The following DNAH11 variants were observed in gnomAD, a reference collection of about 807,000 sequenced individuals.
The protein encoded by DNAH11 is dynein axonemal heavy chain 11, also known as axonemal beta dynein heavy chain 11.
A neutral mutation model predicts 526.0 loss-of-function variants in DNAH11; 442 were observed. That is an observed-to-expected ratio of 0.84 (90% confidence interval 0.78 to 0.91). DNAH11 has a LOEUF of 0.91. Ranked by LOEUF, DNAH11 falls within the 40% of genes least tolerant of loss-of-function variation. The pLI is 0.00. For synonymous variants in DNAH11, 2,461 were observed against 1,935.9 expected (o/e 1.27, Z -7.12); for missense variants, 6,989 against 5,448.7 (o/e 1.28, Z -8.90).
chr7:21,652,521 G>C (rs1781825232), intron 28 of DNAH11, among the ~76,000 whole-genome samples: 1 of 151,818 alleles, frequency 6.6e-6, no homozygotes, highest in Non-Finnish European at 1.5e-5. Flanking sequence ...TTAAAATGCA[G>C]TTGACAAAAT....
intron 26 of DNAH11, among the ~76,000 whole-genome samples, chr7:21,636,852 G>T (rs1354940353): frequency 6.6e-6 from 1 of 152,120 alleles, no homozygotes; most frequent in Non-Finnish European, 1.5e-5. Context: ...AAGGTAAACA[G>T]ATTCATCTTC....
chr7:21,862,075 C>G (rs1332661981), intron 69 of DNAH11, 52 bp downstream of exon 69: 17 of 1,496,634 alleles, frequency 1.1e-5, no homozygotes, highest in Admixed American at 2.3e-5. Flanking sequence ...AGGCAGATGC[C>G]TCTGTTTATT....
intron 18 of DNAH11, among the ~76,000 whole-genome samples, chr7:21,605,593 C>G (rs539906174): frequency 7.2e-5 from 11 of 152,318 alleles, no homozygotes; most frequent in African/African-American, 2.6e-4. Flanking sequence ...TAAACCCAAC[C>G]TCAATCCTCA....
At chr7:21,732,890 C>T (rs1204300647) in intron 45 of DNAH11, among the ~76,000 whole-genome samples, 1 of 152,222 alleles carries the variant, frequency 6.6e-6, no homozygotes, top group Non-Finnish European at 1.5e-5. Context: ...AAGCCTGGAG[C>T]TGACTGCCTC....
In DNAH11 at chr7:21,619,176, T is replaced by C. The variant is rs1163461931; in HGVS notation, c.4331T>C (p.Val1444Ala). The change falls in exon 24 of 82, where the codon GTC becomes GCC. Residue 1444 changes from valine to alanine, a missense_variant. Transcript: ENST00000409508. ...CGGTTACACAGAGTGGAAGATGATGTCCGAAGGATTGTGGACAAGGCGGTG... is the reference window on the plus strand; with the variant it reads ...CGGTTACACAGAGTGGAAGATGATGCCCGAAGGATTGTGGACAAGGCGGTG... ...ALRLHRVEDDVRRIVDKAVKE... is the reference protein window; with the variant it reads ...ALRLHRVEDDARRIVDKAVKE... 1.9e-6 allele frequency: 3 copies of C among 1,613,374 alleles called. No homozygotes were observed. Among genetic ancestry groups the C allele is most frequent in the South Asian group, 2.2e-5 (2 of 91,046 alleles).
chr7:21,778,977 G>C lies in DNAH11; in HGVS notation c.9356G>C (p.Arg3119Thr). 1 of 1,613,154 alleles carries C rather than the reference G, an allele frequency of 6.2e-7. No individual in the cohort carries two copies. Among genetic ancestry groups the C allele is most frequent in the East Asian group, 2.2e-5 (1 of 44,812 alleles). ...TASQVGDLKA[R>T]LASQEAELQL... ...CTTTAGGTGGGAGATCTAAAAGCCAGACTTGCCTCTCAAGAAGCCGAGCTG... is the reference window on the plus strand; with the variant it reads ...CTTTAGGTGGGAGATCTAAAAGCCACACTTGCCTCTCAAGAAGCCGAGCTG... Residue 3119 changes from arginine to threonine, a missense_variant, in exon 57 of 82, where the codon AGA becomes ACA. Coordinates refer to ENST00000409508, the MANE Select transcript of DNAH11 (RefSeq NM_001277115.2).
At chr7:21,733,539 G>C (rs184874039) in intron 45 of DNAH11, among the ~76,000 whole-genome samples, 2 of 152,326 alleles carry the variant, frequency 1.3e-5, no homozygotes, top group African/African-American at 4.8e-5. Context: ...CTGAGAACCT[G>C]TTATCAACCA....
At chr7:21,853,951 G>T (rs1039866734) in intron 67 of DNAH11, among the ~76,000 whole-genome samples, 5 of 152,124 alleles carry the variant, frequency 3.3e-5, no homozygotes, top group Admixed American at 6.5e-5. Flanking sequence ...TGACCCAGCA[G>T]ACTTTTAAGA....
Position 21,599,782 on chromosome 7 carries a change from T to G in DNAH11, c.2668-5T>G. On this transcript the variant is annotated splice_polypyrimidine_tract_variant and splice_region_variant and intron_variant, in intron 14 of 81. Transcript: ENST00000409508. ...ATTCATCCACTAATACTTGTCTGTT[T>G]CTAGGAAAATAGGAAGCTCTTCAAA... 2 of 1,528,492 alleles carry G rather than the reference T, an allele frequency of 1.3e-6. No homozygotes were observed. The highest frequency in any genetic ancestry group is 4.2e-5 in the Admixed American group (2 of 47,548). The allele number at this position is 1,528,492 out of a possible 1,614,324, so 94.7% of individuals were successfully genotyped here.
chr7:21,816,711 A>G lies in DNAH11; in HGVS notation c.10568+9A>G. The G allele has an allele frequency of 1.2e-6, 2 of 1,610,198 alleles. No individual in the cohort carries two copies. Among genetic ancestry groups the G allele is most frequent in the African/African-American group, 2.7e-5 (2 of 74,960 alleles). ...CATTTGGGCCAGAAAGGGTATGTGA[A>G]GTTTGAAGAGACTGGCTTTCTGTTT... On this transcript the variant is annotated intron_variant, in intron 64 of 81. Coordinates refer to ENST00000409508, the MANE Select transcript of DNAH11 (RefSeq NM_001277115.2).
chr7:21,730,763 G>T (rs185602570), intron 45 of DNAH11, among the ~76,000 whole-genome samples: 11 of 152,130 alleles, frequency 7.2e-5, no homozygotes, highest in African/African-American at 2.7e-4. Flanking sequence ...GAGATCTATC[G>T]TACATGGTGA....
chr7:21,610,918 T>C (rs1018518567), intron 20 of DNAH11, among the ~76,000 whole-genome samples: 5 of 152,226 alleles, frequency 3.3e-5, no homozygotes, highest in Non-Finnish European at 5.9e-5. Flanking sequence ...GAAGAGAGAA[T>C]GAACAGAATA....
chr7:21,749,095 C>T (rs1204233254), intron 52 of DNAH11, among the ~76,000 whole-genome samples: 3 of 152,058 alleles, frequency 2.0e-5, no homozygotes, highest in Non-Finnish European at 4.4e-5. Context: ...AAAAAAGACA[C>T]TAACTTCACA....
intron 36 of DNAH11, among the ~76,000 whole-genome samples, chr7:21,700,219 G>GT (rs922943171): frequency 6.6e-5 from 10 of 152,310 alleles, no homozygotes; most frequent in Admixed American, 6.5e-4. Flanking sequence ...AGAGGAAGGT[G>GT]TTGGGAGTAC....
chr7:21,803,703 G>C (rs1177977175), intron 62 of DNAH11, among the ~76,000 whole-genome samples: 3 of 151,492 alleles, frequency 2.0e-5, no homozygotes, highest in Admixed American at 2.0e-4. Context: ...GGAAAAGTGG[G>C]GAATGGGGCT....
At chr7:21,760,455 A>G (rs935617088) in intron 54 of DNAH11, among the ~76,000 whole-genome samples, 1 of 152,144 alleles carries the variant, frequency 6.6e-6, no homozygotes, top group Non-Finnish European at 1.5e-5. Context: ...CCTCGTAATC[A>G]CATCAAAAGA....
chr7:21,786,520 A>G (rs1788200385), intron 58 of DNAH11, 104 bp from the exon 59 acceptor site: 2 of 1,382,264 alleles, frequency 1.4e-6, no homozygotes, highest in African/African-American at 1.4e-5. Context: ...TGGTTTGATA[A>G]GGAGAAGTGG....
intron 62 of DNAH11, among the ~76,000 whole-genome samples, chr7:21,806,448 G>T (rs1287034446): frequency 1.3e-5 from 2 of 152,146 alleles, no homozygotes; most frequent in Non-Finnish European, 1.5e-5. Context: ...TTAACTTGGG[G>T]TGATCTTTAA....
At chr7:21,569,890 C>G (rs1313183611) in intron 6 of DNAH11, among the ~76,000 whole-genome samples, 179 bp from the exon 7 acceptor site, 1 of 152,182 alleles carries the variant, frequency 6.6e-6, no homozygotes. Flanking sequence ...CTAACTTATA[C>G]AAGTATGTCA....
Sources: gnomAD v4.1 joint callset for allele counts (sites outside exome capture counted in the v4.1 genomes callset) on GRCh38, gnomAD v4.1.1 for gene constraint, MANE v1.5 for transcripts, NCBI Gene and HGNC (gene_info 2026-07-23, HGNC 2026-07-21) for gene names.